Variants in PARP2 observed in about 807,000 individuals in gnomAD.
The protein encoded by PARP2 is poly(ADP-ribose) polymerase 2, also known as poly [ADP-ribose] polymerase 2.
In PARP2, 57 loss-of-function variants were observed where a neutral mutation model predicts 77.8. The observed-to-expected ratio is 0.73, with a 90% CI of 0.59 to 0.91. The LOEUF (loss-of-function observed/expected upper bound fraction) is 0.91. Ranked by LOEUF, PARP2 falls within the 40% of genes least tolerant of loss-of-function variation. PARP2 has a pLI of 0.00. For synonymous variants in PARP2, 226 were observed against 242.6 expected (o/e 0.93, Z 0.64); for missense variants, 651 against 689.0 (o/e 0.94, Z 0.62).
At chr14:20,350,954 C>T in intron 5 of PARP2, 93 bp from the exon 6 acceptor site, 1 of 954,388 alleles carries the variant, frequency 1.0e-6, no homozygotes, top group Non-Finnish European at 1.7e-6. Context: ...TTCTCCCTTT[C>T]CTGCCTGTTT....
chr14:20,351,075 G>A lies in PARP2; in HGVS notation c.450G>A (p.Val150=). ...GGAAAATGGGACAGCACAGCCTGGT[G>A]GCTTGTTCAGGCAATCTCAACAAGG... is the stretch of plus-strand genomic sequence containing the variant. ...RVGKMGQHSL[V]ACSGNLNKAK... The change falls in exon 6 of 16, where the codon GTG becomes GTA. Residue 150 remains valine (V), a synonymous_variant. Coordinates refer to ENST00000429687, the MANE Select transcript of PARP2 (RefSeq NM_001042618.2). 1 of 1,613,980 alleles carries A rather than the reference G, an allele frequency of 6.2e-7. No individual in the cohort carries two copies. Among genetic ancestry groups the A allele is most frequent in the South Asian group, 1.1e-5 (1 of 91,074 alleles).
intron 3 of PARP2, 27 bp from the exon 4 acceptor site, chr14:20,346,836 T>C (rs1883740237): frequency 6.5e-7 from 1 of 1,532,554 alleles, no homozygotes; most frequent in Non-Finnish European, 9.0e-7. Context: ...ATACTAATGT[T>C]GATTTTTTCT....
In PARP2 at chr14:20,346,508, AT is replaced by A. The variant is rs1883725216; in HGVS notation, c.274-350del. On this transcript the variant is annotated intron_variant, in intron 3 of 15. Coordinates refer to ENST00000429687, the MANE Select transcript of PARP2 (RefSeq NM_001042618.2). ...ACGCCCAGCCTGGGCTAATTTTTATATTTTTAGTAGAGACGGGGCTTCACCA... is the reference window on the plus strand; with the variant it reads ...ACGCCCAGCCTGGGCTAATTTTTATATTTTAGTAGAGACGGGGCTTCACCA... 6 of 176,418 alleles carry A rather than the reference AT, an allele frequency of 3.4e-5. No homozygotes were observed. In the South Asian group the frequency reaches 6.8e-4, roughly 20 times the overall value. The allele number at this position is 176,418 out of a possible 1,614,324, so 10.9% of individuals were successfully genotyped here.
At chr14:20,346,782 A>AAATT (rs1883735560) in intron 3 of PARP2, 81 bp from the exon 4 acceptor site, 1 of 883,744 alleles carries the variant, frequency 1.1e-6, no homozygotes, top group African/African-American at 1.7e-5. Flanking sequence ...GACTTGAGCC[A>AAATT]TAAGAAAATT....
At position 20,345,457 on chromosome 14, in the gene PARP2, T is replaced by TG; in HGVS notation, c.270dup (p.Lys91GlufsTer7). Reference sequence around the variant, plus strand: ...GTGGACCCAGAGTGTACAGCCAAGGTGGGGAAGGTAAGAGACTCTGGAACC... The same window carrying TG: ...GTGGACCCAGAGTGTACAGCCAAGGTGGGGGAAGGTAAGAGACTCTGGAACC... On this transcript the variant is annotated frameshift_variant, in exon 3 of 16. Transcript: ENST00000429687. LOFTEE classifies it high-confidence loss of function. The TG allele has an allele frequency of 1.2e-6, 2 of 1,612,828 alleles. No individual in the cohort carries two copies. The highest frequency in any genetic ancestry group is 8.5e-7 in the Non-Finnish European group (1 of 1,178,976).
At chr14:20,351,180 C>G in intron 6 of PARP2, 58 bp downstream of exon 6, 2 of 1,410,928 alleles carry the variant, frequency 1.4e-6, no homozygotes, top group South Asian at 1.2e-5. Context: ...GATGTATATT[C>G]TCTAAAAAAT....
At chr14:20,353,490 G>A (rs1481872305) in intron 7 of PARP2, among the ~76,000 whole-genome samples, 6 of 151,766 alleles carry the variant, frequency 4.0e-5, no homozygotes, top group African/African-American at 9.7e-5. Context: ...TGATCCGCCC[G>A]TCTTGGCCTC....
chr14:20,347,459 A>G (rs573628698), intron 4 of PARP2, among the ~76,000 whole-genome samples: 29 of 105,872 alleles, frequency 2.7e-4, no homozygotes, highest in Non-Finnish European at 4.7e-4. Flanking sequence ...TCTGTCACCC[A>G]GGCTGGAATG....
chr14:20,352,309 T>C lies in PARP2; in HGVS notation c.562T>C (p.Tyr188His). 6.2e-7 allele frequency: 1 copy of C among 1,611,812 alleles called. No homozygotes were observed. The highest frequency in any genetic ancestry group is 8.5e-7 in the Non-Finnish European group (1 of 1,177,902). ...AAAGTTTGAGAAGGTGCCTGGAAAA[T>C]ATGATATGCTACAGATGGACTATGC... Reference protein sequence around the residue: ...REKFEKVPGKYDMLQMDYATN... With the variant: ...REKFEKVPGKHDMLQMDYATN... The change falls in exon 7 of 16, where the codon TAT becomes CAT. Residue 188 changes from tyrosine to histidine, a missense_variant. Tyr to His is a moderately conservative substitution (Grantham distance 83). Transcript: ENST00000429687.
At chr14:20,347,010 CTTTT>C (rs201999457) in intron 4 of PARP2, 97 bp downstream of exon 4, 9 of 510,360 alleles carry the variant, frequency 1.8e-5, no homozygotes, top group South Asian at 3.2e-5. Context: ...TTTAAAGTCC[CTTTT>C]TTTTTTTTTT....
At position 20,352,358 on chromosome 14, in the gene PARP2, C is replaced by G. The variant is rs770488179; in HGVS notation, c.600+11C>G. The G allele has an allele frequency of 2.1e-5, 31 of 1,464,106 alleles. No individual in the cohort carries two copies. Among genetic ancestry groups the G allele is most frequent in the Middle Eastern group, 3.5e-4 (2 of 5,772 alleles). The allele number at this position is 1,464,106 out of a possible 1,614,324, so 90.7% of individuals were successfully genotyped here. ...GCCACCAATACTCAGGTAACTCTCA[C>G]TATACTTTTCGAAAGAAACACATCT... On this transcript the variant is annotated intron_variant, in intron 7 of 15. Transcript: ENST00000429687.
At chr14:20,357,573 T>C in intron 15 of PARP2, 53 bp downstream of exon 15, 1 of 1,603,044 alleles carries the variant, frequency 6.2e-7, no homozygotes, top group Middle Eastern at 1.7e-4. Context: ...CAGATAAGAC[T>C]ACGTTCTCTA....
intron 9 of PARP2, chr14:20,355,368 C>T: frequency 5.5e-6 from 1 of 183,400 alleles, no homozygotes; most frequent in Non-Finnish European, 1.1e-5. Flanking sequence ...ATTTCTATTT[C>T]TTTTATAGCT....
chr14:20,356,387 G>A lies in PARP2; in HGVS notation c.1182G>A (p.Val394=). The A allele has an allele frequency of 1.9e-6, 3 of 1,614,106 alleles. No homozygotes were observed. The highest frequency in any genetic ancestry group is 2.5e-6 in the Non-Finnish European group (3 of 1,179,942). Residue 394 remains valine (V), a synonymous_variant, in exon 12 of 16, where the codon GTG becomes GTA. Transcript: ENST00000429687. ...TGACCTTGCTGGATTTGTTTGAAGT[G>A]GAGAAGGATGGTGAGAAAGAAGCCT... ...YTMTLLDLFE[V]EKDGEKEAFR...
At chr14:20,356,885 G>A (rs934723194) in intron 13 of PARP2, 166 bp from the exon 14 acceptor site, 27 of 673,918 alleles carry the variant, frequency 4.0e-5, no homozygotes, top group African/African-American at 1.1e-4. Flanking sequence ...CTCAGAAGGC[G>A]GAAATTCACA....
chr14:20,352,196 C>A, intron 6 of PARP2, 49 bp from the exon 7 acceptor site: 2 of 993,044 alleles, frequency 2.0e-6, no homozygotes, highest in Non-Finnish European at 1.6e-6. Flanking sequence ...AGTCCATCTT[C>A]ATAGTAGACC....
At position 20,357,677 on chromosome 14, in the gene PARP2, A is replaced by G. The variant is rs1884209272; in HGVS notation, c.1593A>G (p.Thr531=). The change falls in exon 16 of 16, where the codon ACA becomes ACG. Residue 531 remains threonine, a synonymous_variant. Transcript: ENST00000429687. ...STVPLGPASD[T]GILNPDGYTL... is the part of the protein sequence containing the mutation. Reference sequence around the variant, plus strand: ...TGCCATTAGGACCAGCAAGTGACACAGGAATTCTGAATCCAGATGGTTATA... The same window carrying G: ...TGCCATTAGGACCAGCAAGTGACACGGGAATTCTGAATCCAGATGGTTATA... 1 of 1,613,836 alleles carries G rather than the reference A, an allele frequency of 6.2e-7. No homozygotes were observed. Among genetic ancestry groups the G allele is most frequent in the East Asian group, 2.2e-5 (1 of 44,894 alleles).
intron 3 of PARP2, among the ~76,000 whole-genome samples, chr14:20,345,932 C>A (rs1713432): frequency 6.6e-6 from 1 of 151,846 alleles, no homozygotes; most frequent in African/African-American, 2.4e-5. Flanking sequence ...GGAGGTGTCA[C>A]ACGCTTTTAA....
chr14:20,356,687 A>G lies in PARP2; in HGVS notation c.1327A>G (p.Met443Val), dbSNP rs372706750. The change falls in exon 13 of 16, where the codon ATG (methionine) becomes GTG (valine). Residue 443 changes from methionine (M) to valine (V), a missense_variant and splice_region_variant. By Grantham distance (21) the Met-to-Val change is conservative (BLOSUM62 1). Coordinates refer to ENST00000429687, the MANE Select transcript of PARP2 (RefSeq NM_001042618.2). ...ACCTGAAGCTCCCATCACAGGTTAC[A>G]TGGTGAGTGAAATTGAACTCTGGGA... ...APPEAPITGY[M>V]FGKGIYFADM... The G allele has an allele frequency of 3.9e-5, 63 of 1,609,406 alleles. No homozygotes were observed. In the African/African-American group the frequency reaches 7.3e-4, roughly 19 times the overall value.
Sources: allele counts gnomAD v4.1 joint callset (sites outside exome capture counted in the v4.1 genomes callset), GRCh38; gene constraint gnomAD v4.1.1; transcripts MANE v1.5; gene names NCBI Gene and HGNC (gene_info 2026-07-23, HGNC 2026-07-21).